The following SLC30A2 variants were observed in gnomAD, a reference collection of about 807,000 sequenced individuals.
The protein encoded by SLC30A2 is proton-coupled zinc antiporter SLC30A2.
A neutral mutation model predicts 39.6 loss-of-function variants in SLC30A2; 19 were observed. The observed-to-expected ratio is 0.48, with a 90% CI of 0.34 to 0.70. SLC30A2 has a LOEUF of 0.70. Ranked by LOEUF, SLC30A2 falls within the 30% of genes least tolerant of loss-of-function variation. The probability of loss-of-function intolerance (pLI) is 0.01; values close to 1 mark genes in which losing one functional copy is unlikely to be tolerated. For missense variants in SLC30A2, 387 were observed against 479.4 expected (o/e 0.81, Z 1.80); for synonymous variants, 195 against 194.8 (o/e 1.00, Z -0.01).
At chr1:26,045,499 G>A (rs2050451257) in intron 1 of SLC30A2, 1 of 589,884 alleles carries the variant, frequency 1.7e-6, no homozygotes, top group Admixed American at 3.0e-5. Flanking sequence ...ACAGAGCGCA[G>A]GCTCTGGGAG....
intron 5 of SLC30A2, 90 bp from the exon 6 acceptor site, chr1:26,041,895 G>T: frequency 1.3e-6 from 1 of 781,640 alleles, no homozygotes. Flanking sequence ...CTGGGGAGAG[G>T]TGCTCTCTCT....
Position 26,045,012 on chromosome 1 carries a change from T to C in SLC30A2, c.256A>G (p.Ile86Val). ...AAGTGCTTACCAACGACTTCTCCGA[T>C]CATGAACAACAGGCAGATGGCAGAG... ...VASAICLLFM[I>V]GEVVGGYLAH... is the part of the protein sequence containing the mutation. The change falls in exon 2 of 8, where the codon ATC becomes GTC. Residue 86 changes from isoleucine (I) to valine (V), a missense_variant. Ile to Val is a conservative substitution (Grantham distance 29). Coordinates refer to ENST00000374276, the MANE Select transcript of SLC30A2 (RefSeq NM_001004434.3). The C allele has an allele frequency of 6.2e-7, 1 of 1,614,224 alleles. No individual in the cohort carries two copies. Among genetic ancestry groups the C allele is most frequent in the Non-Finnish European group, 8.5e-7 (1 of 1,180,028 alleles).
chr1:26,045,279 A>G (rs959078518), intron 1 of SLC30A2, 62 bp from the exon 2 acceptor site: 6 of 1,375,490 alleles, frequency 4.4e-6, no homozygotes, highest in Non-Finnish European at 6.1e-6. Flanking sequence ...GGCCGACTCT[A>G]GTCCCATTTC....
In SLC30A2 at chr1:26,046,073, G is replaced by C. The variant is rs1408067181; in HGVS notation, c.-177C>G. 2.3e-6 allele frequency: 3 copies of C among 1,324,512 alleles called. No individual in the cohort carries two copies. Among genetic ancestry groups the C allele is most frequent in the Non-Finnish European group, 1.9e-6 (2 of 1,044,428 alleles). The allele number at this position is 1,324,512 out of a possible 1,614,324, so 82.0% of individuals were successfully genotyped here. On this transcript the variant is annotated 5_prime_UTR_variant, in exon 1 of 8. Coordinates refer to ENST00000374276, the MANE Select transcript of SLC30A2 (RefSeq NM_001004434.3). The surrounding 1 kb of genome is among the most constrained non-coding windows in gnomAD (Gnocchi z 4.4). ...TCCCCCGGCTCCCGCTGCGGCTGCA[G>C]CTCCGGCTCTGGCTCCGCGTGCCAA...
Position 26,044,440 on chromosome 1 carries a change from C to T in SLC30A2, c.276G>A (p.Gly92=). 6.2e-7 allele frequency: 1 copy of T among 1,613,392 alleles called. No homozygotes were observed. Among genetic ancestry groups the T allele is most frequent in the Admixed American group, 1.7e-5 (1 of 59,928 alleles). ...LLFMIGEVVG[G]YLAHSLAVMT... is the part of the protein sequence containing the mutation. ...TGACAGCCAAGCTGTGTGCCAGGTA[C>T]CCACCTGCAGGGTGGAGGGTCCTTA... The change falls in exon 3 of 8, where the codon GGG becomes GGA. Residue 92 remains glycine (G), a synonymous_variant. Transcript: ENST00000374276.
intron 6 of SLC30A2, among the ~76,000 whole-genome samples, 168 bp downstream of exon 6, chr1:26,041,532 T>C (rs2050397273): frequency 1.3e-5 from 2 of 152,182 alleles, no homozygotes; most frequent in South Asian, 4.1e-4. Flanking sequence ...CCAGGCTCTA[T>C]GTCAAGATCA....
chr1:26,040,889 C>T (rs2050387943), intron 6 of SLC30A2, among the ~76,000 whole-genome samples: 4 of 146,218 alleles, frequency 2.7e-5, no homozygotes, highest in Middle Eastern at 6.8e-3. Flanking sequence ...CCCAAAAGTT[C>T]GAGACCAGCC....
In SLC30A2 at chr1:26,045,153, C is replaced by A. The variant is rs1176770432; in HGVS notation, c.115G>T (p.Asp39Tyr). The change falls in exon 2 of 8, where the codon GAC (aspartate) becomes TAC (tyrosine). Residue 39 changes from aspartate (D) to tyrosine (Y), a missense_variant. Transcript: ENST00000374276. ...GCAGCCAGCTCAATGGCCTGCAAGT[C>A]CAGGCCAGGTCGGGGCAGAGGAATC... ...GWIPLPRPGL[D>Y]LQAIELAAQS... 6.2e-7 allele frequency: 1 copy of A among 1,613,684 alleles called. No homozygotes were observed. Among genetic ancestry groups the A allele is most frequent in the Admixed American group, 1.7e-5 (1 of 60,030 alleles).
rs553591533 is a variant in SLC30A2 at position 26,039,398 on chromosome 1, A to G, written c.974-93T>C. The stretch of plus-strand genomic sequence containing the variant: ...AATCTCATACCCCATCCCCAGCAGA[A>G]CAGGATGGGGGACCATGAACATGGA... On this transcript the variant is annotated intron_variant, in intron 7 of 7. Coordinates refer to ENST00000374276, the MANE Select transcript of SLC30A2 (RefSeq NM_001004434.3). The surrounding 1 kb of genome is among the most constrained non-coding windows in gnomAD (Gnocchi z 4.3). 2.1e-6 allele frequency: 2 copies of G among 950,746 alleles called. No homozygotes were observed. The highest frequency in any genetic ancestry group is 2.2e-5 in the Admixed American group (1 of 46,038). The allele number at this position is 950,746 out of a possible 1,614,324, so 58.9% of individuals were successfully genotyped here. A position where few individuals can be genotyped will look rare whatever the true frequency, so the allele number is the denominator to read the frequency against.
At chr1:26,042,063 G>C (rs2186234) in intron 5 of SLC30A2, among the ~76,000 whole-genome samples, 120,578 of 152,226 alleles carry the variant, frequency 0.79, 49,729 homozygotes, top group East Asian at 0.93. Flanking sequence ...GAGCAAAAAG[G>C]CATCTTAGAT....
Position 26,039,640 on chromosome 1 carries a change from G to T in SLC30A2, c.973+137C>A, listed in dbSNP as rs541595918. 2.4e-6 allele frequency: 2 copies of T among 825,482 alleles called. No homozygotes were observed. Among genetic ancestry groups the T allele is most frequent in the Non-Finnish European group, 3.8e-6 (2 of 525,614 alleles). 51.1% of individuals were successfully genotyped at this position (825,482 alleles called of 1,614,324 possible). A position where few individuals can be genotyped will look rare whatever the true frequency, so the allele number is the denominator to read the frequency against. ...TTGTGCTGATCAGATGGAATAATGCGTATCAAGTACTCAGCATGAGGCTGG... is the reference window on the plus strand; with the variant it reads ...TTGTGCTGATCAGATGGAATAATGCTTATCAAGTACTCAGCATGAGGCTGG... On this transcript the variant is annotated intron_variant, in intron 7 of 7. Transcript: ENST00000374276. This position sits in a 1 kb window ranked among gnomAD's most constrained non-coding sequence, Gnocchi z 4.3.
intron 4 of SLC30A2, 44 bp downstream of exon 4, chr1:26,043,354 G>A: frequency 6.3e-7 from 1 of 1,590,694 alleles, no homozygotes; most frequent in Non-Finnish European, 8.6e-7. Context: ...GGTGTGAGAG[G>A]CGGGAGGAGG....
At chr1:26,040,920 C>A (rs911659054) in intron 6 of SLC30A2, among the ~76,000 whole-genome samples, 1 of 150,820 alleles carries the variant, frequency 6.6e-6, no homozygotes, top group Admixed American at 6.6e-5. Context: ...AGTGAGACCC[C>A]CCCCCCATCT....
At position 26,045,891 on chromosome 1, in the gene SLC30A2, C is replaced by T. The variant is rs965459755; in HGVS notation, c.6G>A (p.Glu2=). Residue 2 remains glutamate (E), a synonymous_variant, in exon 1 of 8, where the codon GAG becomes GAA. Coordinates refer to ENST00000374276, the MANE Select transcript of SLC30A2 (RefSeq NM_001004434.3). ...CCAACAGATGCTGCTTCTCCTTGGC[C>T]TCCATGCAGTCCCGCGCCGAGTCCC... The part of the protein sequence containing the change: M[E]AKEKQHLLDA... 5.0e-6 allele frequency: 8 copies of T among 1,612,392 alleles called. No individual in the cohort carries two copies. The highest frequency in any genetic ancestry group is 6.8e-6 in the Non-Finnish European group (8 of 1,179,818).
Position 26,043,396 on chromosome 1 carries a change from A to G in SLC30A2, c.572+2T>C. 6.2e-7 allele frequency: 1 copy of G among 1,613,400 alleles called. No homozygotes were observed. The highest frequency in any genetic ancestry group is 8.5e-7 in the Non-Finnish European group (1 of 1,179,528). On this transcript the variant is annotated splice_donor_variant, in intron 4 of 7. Transcript: ENST00000374276. LOFTEE classifies it high-confidence loss of function. ...GACGAGGGAAACTGGGGCCCCACTC[A>G]CATGATGTTCACAGCCACAGCGCAG...
chr1:26,039,928 CAG>C lies in SLC30A2; in HGVS notation c.839-19_839-18del. The C allele has an allele frequency of 6.2e-7, 1 of 1,613,880 alleles. No homozygotes were observed. Among genetic ancestry groups the C allele is most frequent in the Non-Finnish European group, 8.5e-7 (1 of 1,179,990 alleles). On this transcript the variant is annotated intron_variant, in intron 6 of 7. Transcript: ENST00000374276. The surrounding 1 kb of genome is among the most constrained non-coding windows in gnomAD (Gnocchi z 4.3). Reference sequence around the variant, plus strand: ...TGGGGGTCCCTGAGGACGGCAAGGACAGGGGAAACTAAAGGAAACTACCCCTC... The same window carrying C: ...TGGGGGTCCCTGAGGACGGCAAGGACGGGAAACTAAAGGAAACTACCCCTC...
chr1:26,039,784 G>T lies in SLC30A2; in HGVS notation c.966C>A (p.Ile322=). The T allele has an allele frequency of 1.9e-6, 3 of 1,613,856 alleles. No homozygotes were observed. Among genetic ancestry groups the T allele is most frequent in the Non-Finnish European group, 2.5e-6 (3 of 1,179,970 alleles). ...AGTGTCCCAAGCACTCACCAATGGCGATGTGGACAGACAGAACAGGCTGGG... is the reference window on the plus strand; with the variant it reads ...AGTGTCCCAAGCACTCACCAATGGCTATGTGGACAGACAGAACAGGCTGGG... The part of the protein sequence containing the change: ...TVAQPVLSVH[I]AIAQNTDAQA... The change falls in exon 7 of 8, where the codon ATC becomes ATA. Residue 322 remains isoleucine (I), a synonymous_variant. Coordinates refer to ENST00000374276, the MANE Select transcript of SLC30A2 (RefSeq NM_001004434.3). The surrounding 1 kb of genome is among the most constrained non-coding windows in gnomAD (Gnocchi z 4.3).
intron 3 of SLC30A2, among the ~76,000 whole-genome samples, chr1:26,044,031 G>A (rs561147087): frequency 1.3e-5 from 2 of 152,270 alleles, no homozygotes; most frequent in South Asian, 4.1e-4. Flanking sequence ...TGTTCTTGAA[G>A]CTTGGCTACT....
chr1:26,038,873 T>G lies in SLC30A2; in HGVS notation c.*287A>C. The G allele has an allele frequency of 4.6e-6, 3 of 657,372 alleles. No homozygotes were observed. Among genetic ancestry groups the G allele is most frequent in the East Asian group, 5.8e-5 (1 of 17,138 alleles). The allele number at this position is 657,372 out of a possible 1,614,324, so 40.7% of individuals were successfully genotyped here. ...GGCTCACCACCTTTGCCCCTGCGAGTGGTAGAACATTTGCTGAGGATTAGG... is the reference window on the plus strand; with the variant it reads ...GGCTCACCACCTTTGCCCCTGCGAGGGGTAGAACATTTGCTGAGGATTAGG... On this transcript the variant is annotated 3_prime_UTR_variant, in exon 8 of 8. Transcript: ENST00000374276.
Sources: gnomAD v4.1 joint callset for allele counts (sites outside exome capture counted in the v4.1 genomes callset) on GRCh38, gnomAD v4.1.1 for gene constraint, Gnocchi (gnomAD v3.1) non-coding constraint, MANE v1.5 for transcripts, NCBI Gene and HGNC (gene_info 2026-07-23, HGNC 2026-07-21) for gene names.